PHACTR2: variants seen among roughly 807,000 people sequenced by gnomAD.
PHACTR2 encodes the protein chromosome 6 open reading frame 56.
Under a neutral mutation model 76.0 loss-of-function variants are expected in PHACTR2, and 30 were observed. That is an observed-to-expected ratio of 0.39 (90% confidence interval 0.30 to 0.54). PHACTR2 has a LOEUF of 0.54. Ranked by LOEUF, PHACTR2 falls within the 20% of genes least tolerant of loss-of-function variation. PHACTR2 has a pLI of 0.61. For synonymous variants in PHACTR2, 292 were observed against 292.5 expected, an observed-to-expected ratio of 1.00 and a Z score of 0.02; for missense variants, 696 against 781.1, an observed-to-expected ratio of 0.89 and a Z score of 1.30.
At chr6:143,590,620 G>A (rs1014311081) in intron 1 of PHACTR2, among the ~76,000 whole-genome samples, 1 of 151,562 alleles carries the variant, frequency 6.6e-6, no homozygotes, top group South Asian at 2.1e-4. Context: ...AACACCAAAT[G>A]AACACCATTC....
rs1421068604 is a variant in PHACTR2 at position 143,662,156 on chromosome 6, T to C, written c.14-49860T>C. 6.6e-6 allele frequency among the ~76,000 whole-genome samples: 1 copy of C among 152,218 alleles called. No individual in the cohort carries two copies. The highest frequency in any genetic ancestry group is 2.4e-5 in the African/African-American group (1 of 41,460). On this transcript the variant is annotated intron_variant, in intron 1 of 11. Coordinates refer to the PHACTR2 transcript ENST00000305766. This position sits in a 1 kb window ranked among gnomAD's most constrained non-coding sequence, Gnocchi z 4.7. ...GTTTGGAGAATGTGTCAACATTCCCTAATTGAGAAGTAATTTGCAGTTACT... is the reference window on the plus strand; with the variant it reads ...GTTTGGAGAATGTGTCAACATTCCCCAATTGAGAAGTAATTTGCAGTTACT...
At chr6:143,660,041 G>A (rs139066362) in intron 1 of PHACTR2, among the ~76,000 whole-genome samples, 4 of 152,146 alleles carry the variant, frequency 2.6e-5, no homozygotes, top group Non-Finnish European at 5.9e-5. Flanking sequence ...CTCAGTTACT[G>A]CATTAAAAAA....
Position 143,794,749 on chromosome 6 carries a change from A to G in PHACTR2, c.1845+5839A>G, listed in dbSNP as rs1310202780. 6.6e-6 allele frequency among the ~76,000 whole-genome samples: 1 copy of G among 152,156 alleles called. No homozygotes were observed. Among genetic ancestry groups the G allele is most frequent in the Non-Finnish European group, 1.5e-5 (1 of 68,010 alleles). On this transcript the variant is annotated intron_variant, in intron 11 of 12. Transcript: ENST00000440869. This position sits in a 1 kb window ranked among gnomAD's most constrained non-coding sequence, Gnocchi z 4.1. ...ACAGAAGTTGCAGTGAGCTAAGATT[A>G]TGCCGCCGCACTCCAGCCTGGGTGA...
intron 1 of PHACTR2, among the ~76,000 whole-genome samples, chr6:143,587,269 C>T (rs71564440): frequency 0.28 from 42,815 of 152,046 alleles, 6,246 homozygotes; most frequent in South Asian, 0.43. Context: ...AATGAATCTT[C>T]GGCCAACAAC....
rs6570567 is a variant in PHACTR2, at chr6:143,610,595, T to C, written c.13+2273T>C. 0.76 allele frequency among the ~76,000 whole-genome samples: 115,664 copies of C among 152,110 alleles called. 44,318 individuals are homozygous for C. Among genetic ancestry groups the C allele is most frequent in the Middle Eastern group, 0.81 (239 of 294 alleles). ...CATTTATTCAAGTCACATAGAACGC[T>C]GCATCAGGATATTTGTGCATGGTTT... is the stretch of plus-strand genomic sequence containing the variant. On this transcript the variant is annotated intron_variant, in intron 1 of 11. Transcript: ENST00000305766. This position sits in a 1 kb window ranked among gnomAD's most constrained non-coding sequence, Gnocchi z 4.9.
chr6:143,769,426 A>G (rs926270713), intron 6 of PHACTR2, among the ~76,000 whole-genome samples: 1 of 152,208 alleles, frequency 6.6e-6, no homozygotes, highest in African/African-American at 2.4e-5. Context: ...AACATCAGAT[A>G]TAATTTATAA....
chr6:143,747,850 G>A (rs931160319), intron 2 of PHACTR2, among the ~76,000 whole-genome samples: 2 of 152,082 alleles, frequency 1.3e-5, no homozygotes, highest in Non-Finnish European at 2.9e-5. Flanking sequence ...CACCTTCTTG[G>A]CCCCTGAAAG....
Position 143,730,017 on chromosome 6 carries a change from C to T in PHACTR2, c.214+17834C>T, listed in dbSNP as rs1035906268. ...ATTTCTGGACTCACTATTTTATTCT[C>T]TTAATCTGTGTCTATTCTTTCACCA... On this transcript the variant is annotated intron_variant, in intron 2 of 12. Coordinates refer to ENST00000440869, the MANE Select transcript of PHACTR2 (RefSeq NM_001100164.2). This position sits in a 1 kb window ranked among gnomAD's most constrained non-coding sequence, Gnocchi z 4.8. 3.3e-5 allele frequency among the ~76,000 whole-genome samples: 5 copies of T among 152,148 alleles called. No homozygotes were observed. The highest frequency in any genetic ancestry group is 7.4e-5 in the Non-Finnish European group (5 of 67,990).
chr6:143,747,164 G>A (rs1300252943), intron 2 of PHACTR2, among the ~76,000 whole-genome samples: 1 of 152,138 alleles, frequency 6.6e-6, no homozygotes, highest in African/African-American at 2.4e-5. Flanking sequence ...AGAGAAGGAG[G>A]AAACAGAGAT....
In PHACTR2 at chr6:143,731,609, G is replaced by T. The variant is rs1241282242; in HGVS notation, c.215-17376G>T. Among the ~76,000 whole-genome samples, 2 of 152,156 alleles carry T rather than the reference G, an allele frequency of 1.3e-5. No homozygotes were observed. The highest frequency in any genetic ancestry group is 4.8e-5 in the African/African-American group (2 of 41,448). The stretch of plus-strand genomic sequence containing the variant: ...GCCAGCCCCACTGTGTTGTGGTGTA[G>T]TATTCTTTTTATATGTTGCTGGATT... On this transcript the variant is annotated intron_variant, in intron 2 of 12. Coordinates refer to ENST00000440869, the MANE Select transcript of PHACTR2 (RefSeq NM_001100164.2). The surrounding 1 kb of genome is among the most constrained non-coding windows in gnomAD (Gnocchi z 4.9).
At chr6:143,676,455 T>G (rs532976612), upstream of PHACTR2, among the ~76,000 whole-genome samples, 30 of 152,358 alleles carry the variant, frequency 2.0e-4, 2 homozygotes, top group South Asian at 6.2e-3. This position sits in a 1 kb window ranked among gnomAD's most constrained non-coding sequence, Gnocchi z 4.8. Context: ...ACTGTATATT[T>G]CCTCTGATCA....
chr6:143,607,903 T>C (rs1775904376), upstream of PHACTR2, among the ~76,000 whole-genome samples: 1 of 152,266 alleles, frequency 6.6e-6, no homozygotes, highest in African/African-American at 2.4e-5. Flanking sequence ...TTTTACCTTT[T>C]CATGATCAGT....
intron 2 of PHACTR2, among the ~76,000 whole-genome samples, chr6:143,728,097 A>G (rs1778613889): frequency 6.6e-6 from 1 of 152,190 alleles, no homozygotes; most frequent in African/African-American, 2.4e-5. Context: ...AAACAAATTC[A>G]GTAAAGTTAC....
intron 1 of PHACTR2, among the ~76,000 whole-genome samples, chr6:143,630,074 A>G (rs1345029418): frequency 6.6e-6 from 1 of 151,876 alleles, no homozygotes; most frequent in East Asian, 1.9e-4. Flanking sequence ...TCTTGGATAC[A>G]TGACCAAAAT....
upstream of PHACTR2, among the ~76,000 whole-genome samples, chr6:143,606,330 T>C (rs951486752): frequency 4.6e-5 from 7 of 152,192 alleles, no homozygotes; most frequent in African/African-American, 1.4e-4. Context: ...ATAAATCGCA[T>C]TGTGAGTTAG....
chr6:143,662,192 T>C lies in PHACTR2; in HGVS notation c.14-49824T>C, dbSNP rs1281426267. 6.6e-6 allele frequency among the ~76,000 whole-genome samples: 1 copy of C among 152,192 alleles called. No individual in the cohort carries two copies. The highest frequency in any genetic ancestry group is 1.9e-4 in the East Asian group (1 of 5,200). On this transcript the variant is annotated intron_variant, in intron 1 of 11. Transcript: ENST00000305766. This position sits in a 1 kb window ranked among gnomAD's most constrained non-coding sequence, Gnocchi z 4.7. ...TAATTTGCAGTTACTGAAATCCATT[T>C]TATATTAAAAAGCCTCTTCAATATG...
intron 1 of PHACTR2, among the ~76,000 whole-genome samples, chr6:143,628,070 A>C (rs149169814): frequency 6.6e-6 from 1 of 152,188 alleles, no homozygotes; most frequent in East Asian, 1.9e-4. Context: ...TGGCTTTTCA[A>C]ATTGAACCTA....
rs1776414287 is a variant in PHACTR2 at position 143,821,402 on chromosome 6, T to G, written c.1923-2272T>G. 6.6e-6 allele frequency among the ~76,000 whole-genome samples: 1 copy of G among 152,258 alleles called. No homozygotes were observed. The highest frequency in any genetic ancestry group is 2.4e-5 in the African/African-American group (1 of 41,466). On this transcript the variant is annotated intron_variant, in intron 12 of 12. Transcript: ENST00000440869. This position sits in a 1 kb window ranked among gnomAD's most constrained non-coding sequence, Gnocchi z 5.2. ...GCTCTTATTTTTTAGTTTTTCATTT[T>G]GTAATGCTTGTATTCAACACAGTGA...
rs1778968719 is a variant in PHACTR2, at chr6:143,742,558, T to C, written c.215-6427T>C. On this transcript the variant is annotated intron_variant, in intron 2 of 12. Coordinates refer to ENST00000440869, the MANE Select transcript of PHACTR2 (RefSeq NM_001100164.2). The surrounding 1 kb of genome is among the most constrained non-coding windows in gnomAD (Gnocchi z 4.5). ...CACCAGTGCCAGGGAGAAACTGGGC[T>C]CTGATTGGATAAGCCCAGGAGCCCA... is the stretch of plus-strand genomic sequence containing the variant. Among the ~76,000 whole-genome samples the C allele has an allele frequency of 1.3e-5, 2 of 152,188 alleles. No individual in the cohort carries two copies. Among genetic ancestry groups the C allele is most frequent in the Admixed American group, 1.3e-4 (2 of 15,290 alleles).
Sources: gnomAD v4.1 joint callset for allele counts (sites outside exome capture counted in the v4.1 genomes callset) on GRCh38, gnomAD v4.1.1 for gene constraint, Gnocchi (gnomAD v3.1) non-coding constraint, MANE v1.5 for transcripts, NCBI Gene and HGNC (gene_info 2026-07-23, HGNC 2026-07-21) for gene names.